The following DPP6 variants were observed in gnomAD, a reference collection of about 807,000 sequenced individuals.
DPP6 encodes the protein dipeptidyl peptidase like 6, also known as A-type potassium channel modulatory protein DPP6.
Under a neutral mutation model 122.6 loss-of-function variants are expected in DPP6, and 69 were observed. The ratio of observed to expected loss-of-function variants is 0.56; its 90% CI spans 0.46 to 0.69. The LOEUF is 0.69. DPP6 is among the 30% of genes least tolerant of loss of function. The pLI is 0.00. For missense variants in DPP6, 928 were observed against 1,116.9 expected (o/e 0.83, Z 2.41); for synonymous variants, 418 against 433.1 (o/e 0.97, Z 0.43).
intron 1 of DPP6, among the ~76,000 whole-genome samples, chr7:154,066,374 A>G (rs1319724533): frequency 1.3e-5 from 2 of 152,048 alleles, no homozygotes; most frequent in Non-Finnish European, 1.5e-5. Flanking sequence ...ATTTTTTTAC[A>G]ATGATGCCAC....
At chr7:154,459,285 C>G (rs1821065179) in intron 2 of DPP6, among the ~76,000 whole-genome samples, 1 of 152,148 alleles carries the variant, frequency 6.6e-6, no homozygotes, top group African/African-American at 2.4e-5. Flanking sequence ...CATGCCTATT[C>G]TCGTAGGCAT....
chr7:154,372,275 C>T (rs1301433013), intron 1 of DPP6, among the ~76,000 whole-genome samples: 2 of 152,206 alleles, frequency 1.3e-5, no homozygotes, highest in Non-Finnish European at 2.9e-5. Context: ...TTTGAGTCAT[C>T]TTCCTCGGGG....
At chr7:153,760,547 G>A in the DPP6 span, among the ~76,000 whole-genome samples, 1 of 152,096 alleles carries the variant, frequency 6.6e-6, no homozygotes, top group Admixed American at 6.5e-5. Context: ...CTCAGTTAAG[G>A]CCCCTGGAAA....
At chr7:153,967,459 G>A (rs1181131950) in intron 1 of DPP6, among the ~76,000 whole-genome samples, 14 of 152,180 alleles carry the variant, frequency 9.2e-5, no homozygotes, top group Non-Finnish European at 5.9e-5. Flanking sequence ...CAGTGCAGTA[G>A]TTACAACAAC....
chr7:153,936,841 C>T (rs988142882), intron 1 of DPP6, among the ~76,000 whole-genome samples: 19 of 151,888 alleles, frequency 1.3e-4, no homozygotes, highest in African/African-American at 4.3e-4. Flanking sequence ...GAGGAAGTGA[C>T]GCGTGACCCT....
intron 10 of DPP6, among the ~76,000 whole-genome samples, chr7:154,790,590 T>C (rs1356855002): frequency 2.0e-5 from 3 of 152,120 alleles, no homozygotes; most frequent in African/African-American, 7.2e-5. Flanking sequence ...TAAAAATTCA[T>C]ATTACACAAA....
At chr7:154,011,445 A>G (rs1798152456) in intron 1 of DPP6, among the ~76,000 whole-genome samples, 1 of 152,172 alleles carries the variant, frequency 6.6e-6, no homozygotes, top group Non-Finnish European at 1.5e-5. Flanking sequence ...GGCAGTTGAA[A>G]TCTATGCTTT....
At chr7:153,998,750 A>T (rs1049890297) in intron 1 of DPP6, among the ~76,000 whole-genome samples, 4 of 152,190 alleles carry the variant, frequency 2.6e-5, no homozygotes, top group African/African-American at 9.7e-5. Context: ...TTTGTAACAG[A>T]TGGTGTTTAT....
chr7:154,479,570 A>AAAGAAAAAG (rs1554563522), intron 3 of DPP6, among the ~76,000 whole-genome samples: 1 of 101,566 alleles, frequency 9.8e-6, no homozygotes, highest in African/African-American at 3.2e-5. Flanking sequence ...AAAAAAAAAA[A>AAAGAAAAAG]AAAAGAAAAG....
chr7:153,760,309 T>G, the DPP6 span, among the ~76,000 whole-genome samples: 1 of 152,178 alleles, frequency 6.6e-6, no homozygotes, highest in East Asian at 1.9e-4. Flanking sequence ...ACATATGGAA[T>G]TCAGCTGTAA....
chr7:153,783,300 A>G, the DPP6 span, among the ~76,000 whole-genome samples: 5 of 152,196 alleles, frequency 3.3e-5, no homozygotes, highest in East Asian at 9.6e-4. Context: ...ATCATGGCGG[A>G]AGACACCTCT....
At chr7:154,365,515 G>A (rs548446683) in intron 1 of DPP6, among the ~76,000 whole-genome samples, 2 of 152,260 alleles carry the variant, frequency 1.3e-5, no homozygotes, top group African/African-American at 2.4e-5. Context: ...GGAGGGGAAC[G>A]TGTAACTATG....
chr7:154,241,682 A>G lies in DPP6; in HGVS notation c.243+188619A>G, dbSNP rs942269355. Among the ~76,000 whole-genome samples, 7 of 152,192 alleles carry G rather than the reference A, an allele frequency of 4.6e-5. No individual in the cohort carries two copies. Among genetic ancestry groups the G allele is most frequent in the African/African-American group, 7.2e-5 (3 of 41,454 alleles). Reference sequence around the variant, plus strand: ...ATATTACTTTCTGACTCAATATCATACAAACCGGCACTTATCACATCTTGA... The same window carrying G: ...ATATTACTTTCTGACTCAATATCATGCAAACCGGCACTTATCACATCTTGA... On this transcript the variant is annotated intron_variant, in intron 1 of 25. Coordinates refer to ENST00000377770, the MANE Select transcript of DPP6 (RefSeq NM_130797.4). This position sits in a 1 kb window ranked among gnomAD's most constrained non-coding sequence, Gnocchi z 9.0.
chr7:154,787,529 T>C (rs1797408651), intron 10 of DPP6, among the ~76,000 whole-genome samples: 1 of 152,208 alleles, frequency 6.6e-6, no homozygotes, highest in Non-Finnish European at 1.5e-5. Flanking sequence ...CTTTAAAAAA[T>C]AAATCCCCTG....
intron 1 of DPP6, among the ~76,000 whole-genome samples, chr7:153,995,600 A>AG (rs1797391867): frequency 6.6e-6 from 1 of 151,648 alleles, no homozygotes; most frequent in Non-Finnish European, 1.5e-5. Context: ...AAAAAAAAAA[A>AG]AAAAAAAAGA....
chr7:154,334,258 G>A (rs1021376523), intron 1 of DPP6, among the ~76,000 whole-genome samples: 2 of 151,986 alleles, frequency 1.3e-5, no homozygotes, highest in Non-Finnish European at 2.9e-5. Context: ...TAAGGATGCC[G>A]GCTGCTCTGC....
chr7:153,879,523 G>C, the DPP6 span, among the ~76,000 whole-genome samples: 1 of 152,076 alleles, frequency 6.6e-6, no homozygotes, highest in East Asian at 1.9e-4. Flanking sequence ...CCGAGTAGCT[G>C]GGACTGCAGG....
chr7:154,490,847 G>A (rs896132559), intron 3 of DPP6, among the ~76,000 whole-genome samples: 1 of 152,192 alleles, frequency 6.6e-6, no homozygotes, highest in Non-Finnish European at 1.5e-5. Context: ...TGATAACATA[G>A]TTTACAGAGT....
intron 1 of DPP6, among the ~76,000 whole-genome samples, chr7:154,108,035 A>G (rs1379876642): frequency 6.6e-6 from 1 of 152,246 alleles, no homozygotes; most frequent in African/African-American, 2.4e-5. Context: ...GGACAATGAA[A>G]GGAAAATTTA....
Sources: allele counts gnomAD v4.1 joint callset (sites outside exome capture counted in the v4.1 genomes callset), GRCh38; gene constraint gnomAD v4.1.1; non-coding constraint Gnocchi (gnomAD v3.1); transcripts MANE v1.5; gene names NCBI Gene and HGNC (gene_info 2026-07-23, HGNC 2026-07-21).